CLHC1: variants seen among roughly 807,000 people sequenced by gnomAD.
The protein encoded by CLHC1 is clathrin heavy chain linker domain containing 1.
In CLHC1, 72 loss-of-function variants were observed where a neutral mutation model predicts 69.5. The ratio of observed to expected loss-of-function variants is 1.04; its 90% CI spans 0.86 to 1.26. The LOEUF is 1.26. CLHC1 is among the 50% of genes most tolerant of loss of function. CLHC1 has a pLI of 0.00. For missense variants in CLHC1, 790 were observed against 679.3 expected, an observed-to-expected ratio of 1.16 and a Z score of -1.81; for synonymous variants, 223 against 224.3, an observed-to-expected ratio of 0.99 and a Z score of 0.05.
intron 12 of CLHC1, among the ~76,000 whole-genome samples, chr2:55,176,386 T>G (rs1263205606): frequency 6.6e-6 from 1 of 152,190 alleles, no homozygotes. Flanking sequence ...TGTAAACCTA[T>G]AGGTCAAGTT....
intron 9 of CLHC1, among the ~76,000 whole-genome samples, chr2:55,203,363 A>T (rs1370041261): frequency 6.6e-6 from 1 of 152,218 alleles, no homozygotes; most frequent in Non-Finnish European, 1.5e-5. Context: ...AACCATCCTA[A>T]GCAAAAAGAA....
chr2:55,208,433 T>G (rs901146511), intron 8 of CLHC1, among the ~76,000 whole-genome samples, 193 bp downstream of exon 8: 42 of 152,320 alleles, frequency 2.8e-4, no homozygotes, highest in Middle Eastern at 3.4e-3. Flanking sequence ...CTCAAAATTT[T>G]TCGGATTTTG....
chr2:55,231,824 G>T (rs546662502), intron 1 of CLHC1: 2 of 152,062 alleles, frequency 1.3e-5, no homozygotes, highest in Non-Finnish European at 2.9e-5. Context: ...TTTCTTTTCC[G>T]TACGGCTTCA....
intron 9 of CLHC1, among the ~76,000 whole-genome samples, chr2:55,196,665 C>T (rs1248820468): frequency 6.6e-6 from 1 of 152,192 alleles, no homozygotes; most frequent in Non-Finnish European, 1.5e-5. Flanking sequence ...TAAACAGCCC[C>T]TTGGGCCCTG....
At chr2:55,224,524 C>G (rs972512343) in intron 2 of CLHC1, 26 of 303,688 alleles carry the variant, frequency 8.6e-5, no homozygotes, top group Middle Eastern at 1.2e-3. Context: ...ATCCTGGAGT[C>G]TGAGAAGTCC....
chr2:55,182,452 A>C (rs1300506371), intron 9 of CLHC1, among the ~76,000 whole-genome samples: 1 of 152,164 alleles, frequency 6.6e-6, no homozygotes, highest in Non-Finnish European at 1.5e-5. Context: ...CAATGCTTGA[A>C]CTTGCAGGGG....
intron 4 of CLHC1, among the ~76,000 whole-genome samples, chr2:55,213,173 C>G (rs1370967516): frequency 6.6e-6 from 1 of 152,204 alleles, no homozygotes; most frequent in Non-Finnish European, 1.5e-5. Context: ...CTACAAACAA[C>G]AGAAATTTAT....
intron 7 of CLHC1, among the ~76,000 whole-genome samples, 173 bp downstream of exon 7, chr2:55,209,231 C>G (rs1034658734): frequency 3.3e-5 from 5 of 152,044 alleles, no homozygotes; most frequent in South Asian, 4.1e-4. Context: ...CAAGTCTATT[C>G]TTTACTAATT....
chr2:55,217,788 G>C, intron 4 of CLHC1, 23 bp downstream of exon 4: 1 of 1,449,458 alleles, frequency 6.9e-7, no homozygotes, highest in Non-Finnish European at 9.2e-7. Context: ...ACCATCTTTT[G>C]GGCTAGTTAC....
At chr2:55,197,713 C>G (rs772852441) in intron 9 of CLHC1, among the ~76,000 whole-genome samples, 1 of 152,124 alleles carries the variant, frequency 6.6e-6, no homozygotes, top group Non-Finnish European at 1.5e-5. Flanking sequence ...ATCTGGAAAG[C>G]CTTCCCAAAA....
At position 55,173,010 on chromosome 2, in the gene CLHC1, T is replaced by C. The variant is rs911121412; in HGVS notation, c.*2780A>G. On this transcript the variant is annotated 3_prime_UTR_variant, in exon 13 of 13. Transcript: ENST00000401408. The stretch of plus-strand genomic sequence containing the variant: ...AAAAATGTAACTAGTTACAATTAAA[T>C]CTTTCAGACCTTGGAAGAAATATCT... 6.6e-6 allele frequency among the ~76,000 whole-genome samples: 1 copy of C among 152,234 alleles called. No individual in the cohort carries two copies. Among genetic ancestry groups the C allele is most frequent in the Non-Finnish European group, 1.5e-5 (1 of 68,038 alleles).
At chr2:55,229,714 G>A (rs1252936332) in intron 1 of CLHC1, among the ~76,000 whole-genome samples, 1 of 152,240 alleles carries the variant, frequency 6.6e-6, no homozygotes, top group Non-Finnish European at 1.5e-5. Flanking sequence ...GCTTTCCTCT[G>A]AGTGAGATTC....
chr2:55,194,391 G>A (rs534628521), intron 9 of CLHC1, among the ~76,000 whole-genome samples: 11 of 151,892 alleles, frequency 7.2e-5, no homozygotes, highest in Non-Finnish European at 1.3e-4. Context: ...ATGAATACAA[G>A]AGAATTTCTT....
intron 1 of CLHC1, among the ~76,000 whole-genome samples, chr2:55,230,512 TATG>T (rs1452494617): frequency 1.3e-5 from 2 of 152,162 alleles, no homozygotes; most frequent in Non-Finnish European, 2.9e-5. Context: ...GTCATTTGCA[TATG>T]ATGATACTTT....
In CLHC1 at chr2:55,174,012, GA is replaced by G. The variant is rs146463473; in HGVS notation, c.*1777del. Among the ~76,000 whole-genome samples the G allele has an allele frequency of 0.88, 111,679 of 127,150 alleles. 48,967 individuals carry two copies. The highest frequency in any genetic ancestry group is 0.93 in the African/African-American group (31,324 of 33,724). The allele number at this position is 127,150 out of a possible 152,430, so 83.4% of individuals were successfully genotyped here. On this transcript the variant is annotated 3_prime_UTR_variant, in exon 13 of 13. Coordinates refer to ENST00000401408, the MANE Select transcript of CLHC1 (RefSeq NM_152385.4). ...TCTATCAATCATATAGGTCTCAAAG[GA>G]AAAAAAAAAAAAAAAAGGTTTTAAG...
rs1164519127 is a variant in CLHC1 at position 55,227,745 on chromosome 2, G to A, written c.-83+287C>T. Among the ~76,000 whole-genome samples the A allele has an allele frequency of 4.6e-5, 7 of 152,018 alleles. No individual in the cohort carries two copies. In the East Asian group the frequency reaches 1.4e-3, roughly 29 times the overall value. ...AAACGGGTGTTATCATTAGAGAGGGGGTAGTGACATTTGGACACCAGTGGC... is the reference window on the plus strand; with the variant it reads ...AAACGGGTGTTATCATTAGAGAGGGAGTAGTGACATTTGGACACCAGTGGC... On this transcript the variant is annotated intron_variant, in intron 2 of 12. Coordinates refer to ENST00000401408, the MANE Select transcript of CLHC1 (RefSeq NM_152385.4).
At chr2:55,207,749 G>A (rs1007594553) in intron 8 of CLHC1, among the ~76,000 whole-genome samples, 3 of 152,180 alleles carry the variant, frequency 2.0e-5, no homozygotes, top group African/African-American at 7.2e-5. Context: ...AGGAATTGAA[G>A]ATAGCAGGAA....
Position 55,172,965 on chromosome 2 carries a change from C to G in CLHC1, c.*2825G>C, listed in dbSNP as rs1669082726. Among the ~76,000 whole-genome samples the G allele has an allele frequency of 6.6e-6, 1 of 152,188 alleles. No homozygotes were observed. The highest frequency in any genetic ancestry group is 2.4e-5 in the African/African-American group (1 of 41,454). ...AATTTAATAGAAATTCATTTTGATA[C>G]ATGCTTGACTATAATAAACAAAAAT... On this transcript the variant is annotated 3_prime_UTR_variant, in exon 13 of 13. Coordinates refer to ENST00000401408, the MANE Select transcript of CLHC1 (RefSeq NM_152385.4).
At chr2:55,199,813 G>A (rs527785659) in intron 9 of CLHC1, among the ~76,000 whole-genome samples, 2 of 151,970 alleles carry the variant, frequency 1.3e-5, no homozygotes, top group African/African-American at 4.8e-5. Context: ...AAGAAAGACA[G>A]GAAGGAAGGA....
Sources: gnomAD v4.1 joint callset for allele counts (sites outside exome capture counted in the v4.1 genomes callset) on GRCh38, gnomAD v4.1.1 for gene constraint, MANE v1.5 for transcripts, NCBI Gene and HGNC (gene_info 2026-07-23, HGNC 2026-07-21) for gene names.